The following SHLD2 variants were observed in gnomAD, a reference collection of about 807,000 sequenced individuals.
The protein encoded by SHLD2 is RINN1-REV7-interacting novel NHEJ regulator 2.
Under a neutral mutation model 73.2 loss-of-function variants are expected in SHLD2, and 30 were observed. That is an observed-to-expected ratio of 0.41 (90% CI 0.31 to 0.56). SHLD2 has a LOEUF of 0.56. SHLD2 is among the 20% of genes least tolerant of loss of function. The pLI, the probability that SHLD2 is intolerant of heterozygous loss-of-function variation, is 0.28. For missense variants in SHLD2, 745 were observed against 1,055.9 expected (o/e 0.71, Z 4.08); for synonymous variants, 285 against 370.1 (o/e 0.77, Z 2.64).
rs115354416 is a variant in SHLD2 at position 87,105,710 on chromosome 10, G to A, written c.-6+8721G>A. 5.5e-3 allele frequency among the ~76,000 whole-genome samples: 843 copies of A among 152,294 alleles called. 8 individuals are homozygous for A. The highest frequency in any genetic ancestry group is 0.02 in the African/African-American group (811 of 41,552). The stretch of plus-strand genomic sequence containing the variant: ...CCAGTTTGTGATATCTTTCCTAAGG[G>A]TTTTAAAAGGGCTTCAGCAGTTCCA... On this transcript the variant is annotated intron_variant, in intron 2 of 9. Coordinates refer to ENST00000298786, the MANE Select transcript of SHLD2 (RefSeq NM_001330112.2).
At chr10:87,147,422 GGA>G (rs1845704735) in intron 2 of SHLD2, among the ~76,000 whole-genome samples, 1 of 151,682 alleles carries the variant, frequency 6.6e-6, no homozygotes, top group South Asian at 2.1e-4. Context: ...TAGAAACTAA[GGA>G]GAGAGTTTCA....
chr10:87,096,614 C>T (rs1589403635), intron 1 of SHLD2, among the ~76,000 whole-genome samples: 1 of 152,148 alleles, frequency 6.6e-6, no homozygotes, highest in Admixed American at 6.5e-5. Context: ...GTCATTAAAA[C>T]TAGCTGCCAA....
At chr10:87,114,102 A>G (rs1269138544) in intron 2 of SHLD2, 1 of 152,180 alleles carries the variant, frequency 6.6e-6, no homozygotes, top group African/African-American at 2.4e-5. Flanking sequence ...TAGTTAACCC[A>G]GTTAACTTCT....
intron 2 of SHLD2, among the ~76,000 whole-genome samples, chr10:87,104,504 A>G (rs1842471649): frequency 6.6e-6 from 1 of 151,916 alleles, no homozygotes; most frequent in East Asian, 1.9e-4. Flanking sequence ...ACTGCACTCT[A>G]GCTTGGGTGA....
At chr10:87,110,559 A>G (rs1207118237) in intron 2 of SHLD2, among the ~76,000 whole-genome samples, 2 of 147,644 alleles carry the variant, frequency 1.4e-5, no homozygotes, top group Admixed American at 1.4e-4. Context: ...GTGAGCTGAG[A>G]TTGCACCATT....
intron 2 of SHLD2, among the ~76,000 whole-genome samples, chr10:87,146,072 A>G (rs1332235496): frequency 6.6e-6 from 1 of 152,098 alleles, no homozygotes; most frequent in African/African-American, 2.4e-5. Context: ...TGGTATAAAC[A>G]CTTTTTAAAA....
At chr10:87,111,571 G>A (rs1427536857) in intron 2 of SHLD2, among the ~76,000 whole-genome samples, 1 of 150,998 alleles carries the variant, frequency 6.6e-6, no homozygotes, top group African/African-American at 2.4e-5. Context: ...AGTCCGGGAG[G>A]TGGAGGTTGC....
chr10:87,170,363 T>A (rs888952582), intron 4 of SHLD2, 115 bp from the exon 5 acceptor site: 1 of 715,732 alleles, frequency 1.4e-6, no homozygotes, highest in Non-Finnish European at 2.2e-6. Flanking sequence ...AGCAAAACTA[T>A]ATTTTATATC....
chr10:87,124,098 A>G (rs944457361), intron 2 of SHLD2, among the ~76,000 whole-genome samples: 11 of 152,146 alleles, frequency 7.2e-5, no homozygotes, highest in Non-Finnish European at 1.5e-4. Context: ...GTCTGAAATA[A>G]TGCATGTTTT....
chr10:87,184,039 C>A (rs1385903506), intron 8 of SHLD2, among the ~76,000 whole-genome samples: 1 of 152,172 alleles, frequency 6.6e-6, no homozygotes, highest in Non-Finnish European at 1.5e-5. Flanking sequence ...TGCTTGACGT[C>A]CATCTCACAT....
At chr10:87,158,645 A>G (rs1197153771) in intron 4 of SHLD2, among the ~76,000 whole-genome samples, 1 of 152,160 alleles carries the variant, frequency 6.6e-6, no homozygotes, top group Non-Finnish European at 1.5e-5. Context: ...TACCACTGCT[A>G]AGAAAAGCTA....
At chr10:87,147,072 G>GAAAAAAAAAAAAAAAAAA (rs76041937) in intron 2 of SHLD2, among the ~76,000 whole-genome samples, 1 of 95,360 alleles carries the variant, frequency 1.0e-5, no homozygotes, top group Non-Finnish European at 2.3e-5. Flanking sequence ...AAAAAAAAAA[G>GAAAAAAAAAAAAAAAAAA]AAAAAAAAAA....
chr10:87,186,497 T>G (rs1848628114), intron 8 of SHLD2, among the ~76,000 whole-genome samples: 2 of 152,250 alleles, frequency 1.3e-5, no homozygotes, highest in South Asian at 2.1e-4. Context: ...AGTGATTTAT[T>G]ATGTTCATCC....
chr10:87,175,083 C>T (rs1847863323), intron 6 of SHLD2, among the ~76,000 whole-genome samples: 1 of 145,376 alleles, frequency 6.9e-6, no homozygotes, highest in African/African-American at 2.6e-5. Flanking sequence ...CGCCACTGCG[C>T]TCCAGCCTGG....
At chr10:87,166,952 T>C (rs1039628115) in intron 4 of SHLD2, among the ~76,000 whole-genome samples, 17 of 55,888 alleles carry the variant, frequency 3.0e-4, no homozygotes, top group Admixed American at 2.0e-3. Context: ...TTTTGGAAAG[T>C]GTGTGTGTGT....
In SHLD2 at chr10:87,096,060, A is replaced by G. The variant is rs188423014; in HGVS notation, c.-62+812A>G. ...ATTTTTTATTTTATTTATTTATTTG[A>G]GATGGAATCTTGCTCTGTCGCCCAG... On this transcript the variant is annotated intron_variant, in intron 1 of 9. Transcript: ENST00000298786. Among the ~76,000 whole-genome samples the G allele has an allele frequency of 4.0e-3, 614 of 152,344 alleles. 3 individuals carry two copies. Among genetic ancestry groups the G allele is most frequent in the African/African-American group, 0.013 (546 of 41,586 alleles).
intron 2 of SHLD2, among the ~76,000 whole-genome samples, chr10:87,126,700 A>C (rs1844034347): frequency 6.6e-6 from 1 of 152,252 alleles, no homozygotes; most frequent in South Asian, 2.1e-4. Context: ...GATTTCTAGG[A>C]GGAATGATTG....
At position 87,187,103 on chromosome 10, in the gene SHLD2, C is replaced by T. The variant is rs1220603721; in HGVS notation, c.2418C>T (p.Ala806=). Residue 806 remains alanine, a synonymous_variant, in exon 9 of 10, where the codon GCC becomes GCT. Transcript: ENST00000298786. ...KIYYRPALMT[A]IDGRHDVCIR... is the part of the protein sequence containing the mutation. ...TTTGTAGGCCAGCGTTAATGACTGC[C>T]ATTGATGGAAGACATGATGTTTGTA... The T allele has an allele frequency of 5.0e-6, 8 of 1,611,924 alleles. No individual in the cohort carries two copies. Among genetic ancestry groups the T allele is most frequent in the Non-Finnish European group, 6.8e-6 (8 of 1,178,360 alleles).
At chr10:87,179,173 T>G (rs928962494) in intron 7 of SHLD2, among the ~76,000 whole-genome samples, 36 of 152,224 alleles carry the variant, frequency 2.4e-4, no homozygotes, top group Admixed American at 1.3e-4. Context: ...ATAGTAGATA[T>G]TCAGTATTTG....
Sources: gnomAD v4.1 joint callset for allele counts (sites outside exome capture counted in the v4.1 genomes callset) on GRCh38, gnomAD v4.1.1 for gene constraint, MANE v1.5 for transcripts, NCBI Gene and HGNC (gene_info 2026-07-23, HGNC 2026-07-21) for gene names.